HEXB: variants seen among roughly 807,000 people sequenced by gnomAD.
HEXB encodes hexosaminidase subunit beta.
A neutral mutation model predicts 71.2 loss-of-function variants in HEXB; 51 were observed. The observed-to-expected ratio is 0.72, with a 90% CI of 0.57 to 0.90. The LOEUF is 0.90. HEXB is among the 40% of genes least tolerant of loss of function. The pLI is 0.00. For synonymous variants in HEXB, 266 were observed against 249.3 expected, an observed-to-expected ratio of 1.07 and a Z score of -0.63; for missense variants, 617 against 677.0, an observed-to-expected ratio of 0.91 and a Z score of 0.98.
At chr5:74,674,592 A>G (rs1302932788) in intron 1 of HEXB, among the ~76,000 whole-genome samples, 1 of 143,110 alleles carries the variant, frequency 7.0e-6, no homozygotes, top group African/African-American at 2.7e-5. Context: ...AGACAGAGCA[A>G]GACTCTGTCT....
At chr5:74,661,513 CTGTGTGTG>C (rs1179218651) in intron 1 of HEXB, among the ~76,000 whole-genome samples, 893 of 84,868 alleles carry the variant, frequency 0.011, 8 homozygotes, top group Non-Finnish European at 0.016. Flanking sequence ...TTCTCTCTCT[CTGTGTGTG>C]TGTGTGTGTG....
chr5:74,700,751 A>G (rs1451395724), intron 5 of HEXB, among the ~76,000 whole-genome samples: 1 of 152,086 alleles, frequency 6.6e-6, no homozygotes, highest in East Asian at 1.9e-4. Flanking sequence ...CTTGTTGCAC[A>G]GGTTGGAGTG....
chr5:74,674,473 A>G (rs540082075), intron 1 of HEXB, among the ~76,000 whole-genome samples: 92 of 152,156 alleles, frequency 6.0e-4, no homozygotes, highest in Middle Eastern at 6.8e-3. Context: ...GTATGGTGGC[A>G]GGCGCCTGTC....
At chr5:74,713,794 G>T (rs2112172411) in intron 7 of HEXB, among the ~76,000 whole-genome samples, 159 bp downstream of exon 7, 1 of 152,266 alleles carries the variant, frequency 6.6e-6, no homozygotes, top group East Asian at 1.9e-4. Flanking sequence ...TTCCTGAGTA[G>T]CTGAGACTAC....
At chr5:74,677,255 A>G (rs1748648320) in intron 1 of HEXB, among the ~76,000 whole-genome samples, 1 of 152,166 alleles carries the variant, frequency 6.6e-6, no homozygotes, top group African/African-American at 2.4e-5. Flanking sequence ...AACAAAATAA[A>G]CAATTGCCCC....
At chr5:74,688,651 G>A (rs1748927176) in intron 1 of HEXB, among the ~76,000 whole-genome samples, 1 of 152,196 alleles carries the variant, frequency 6.6e-6, no homozygotes, top group African/African-American at 2.4e-5. Context: ...CCAACAAAAA[G>A]TAAATTTTAA....
intron 9 of HEXB, among the ~76,000 whole-genome samples, chr5:74,717,034 G>A (rs1374581849): frequency 2.0e-5 from 3 of 151,978 alleles, no homozygotes; most frequent in African/African-American, 7.2e-5. Context: ...TACTAAAAAT[G>A]AAAAAATTAG....
At chr5:74,658,373 GC>G (rs1306612157) in intron 1 of HEXB, among the ~76,000 whole-genome samples, 28 of 152,268 alleles carry the variant, frequency 1.8e-4, no homozygotes, top group Non-Finnish European at 2.2e-4. Flanking sequence ...ATTTCGCCTT[GC>G]CCAAAGACAG....
chr5:74,717,255 AC>A (rs1413756616), intron 9 of HEXB, among the ~76,000 whole-genome samples: 1 of 152,136 alleles, frequency 6.6e-6, no homozygotes, highest in Non-Finnish European at 1.5e-5. Flanking sequence ...AGTCTTCACT[AC>A]CATCCAGCCC....
chr5:74,690,759 GT>G (rs1192244620), intron 2 of HEXB, among the ~76,000 whole-genome samples: 1 of 149,450 alleles, frequency 6.7e-6, no homozygotes, highest in Non-Finnish European at 1.5e-5. Flanking sequence ...CTGCCTCACA[GT>G]TAAGTACATG....
At chr5:74,660,941 GA>G (rs547120537) in intron 1 of HEXB, among the ~76,000 whole-genome samples, 37 of 152,078 alleles carry the variant, frequency 2.4e-4, no homozygotes, top group Non-Finnish European at 4.1e-4. Flanking sequence ...AAAAATATAG[GA>G]AAAAGACACC....
intron 1 of HEXB, among the ~76,000 whole-genome samples, chr5:74,687,220 T>C (rs914198809): frequency 6.6e-6 from 1 of 152,164 alleles, no homozygotes; most frequent in African/African-American, 2.4e-5. Context: ...TTCTAGGAAC[T>C]CAGAAGGAGC....
chr5:74,676,697 C>T (rs937159038), intron 1 of HEXB, among the ~76,000 whole-genome samples: 5 of 151,864 alleles, frequency 3.3e-5, no homozygotes, highest in Admixed American at 6.6e-5. Flanking sequence ...ACCTGGGAGG[C>T]GGAGGTTGCA....
At chr5:74,665,691 A>G (rs1163916322) in intron 1 of HEXB, among the ~76,000 whole-genome samples, 2 of 152,218 alleles carry the variant, frequency 1.3e-5, no homozygotes, top group Non-Finnish European at 2.9e-5. Context: ...AAGAACATAA[A>G]CAACTGCAAG....
chr5:74,709,136 A>T (rs886781204), intron 6 of HEXB, among the ~76,000 whole-genome samples: 2 of 152,192 alleles, frequency 1.3e-5, no homozygotes, highest in African/African-American at 4.8e-5. Flanking sequence ...GGATTAAGGA[A>T]CTCACTCAAA....
In HEXB at chr5:74,716,044, G is replaced by T. The variant is rs1482099328; in HGVS notation, c.1082+354G>T. On this transcript the variant is annotated intron_variant, in intron 8 of 13. Coordinates refer to ENST00000261416, the MANE Select transcript of HEXB (RefSeq NM_000521.4). The stretch of plus-strand genomic sequence containing the variant: ...AAAAAAAAAAAAAAAAAAAAAAATG[G>T]AATAAAAAACCTGTTGCATTGAAGT... 3.2e-3 allele frequency among the ~76,000 whole-genome samples: 452 copies of T among 140,406 alleles called. 4 individuals are homozygous for T. Among genetic ancestry groups the T allele is most frequent in the African/African-American group, 0.012 (429 of 37,196 alleles). 92.1% of individuals were successfully genotyped at this position (140,406 alleles called of 152,430 possible).
intron 1 of HEXB, among the ~76,000 whole-genome samples, chr5:74,676,864 A>G (rs1161553030): frequency 6.6e-6 from 1 of 152,004 alleles, no homozygotes; most frequent in African/African-American, 2.4e-5. Context: ...TTGGCTATAC[A>G]TTGTTCTCTG....
Position 74,720,493 on chromosome 5 carries a change from G to A in HEXB, c.1483G>A (p.Ala495Thr). The part of the protein sequence containing the change: ...EACLWGEYVD[A>T]TNLTPRLWPR... ...TTGTCTATGGGGAGAATATGTGGAT[G>A]CAACTAACCTCACTCCAAGATTATG... Residue 495 changes from alanine to threonine, a missense_variant, in exon 12 of 14, where the codon GCA (alanine) becomes ACA (threonine). Physicochemically the swap from Ala to Thr is moderately conservative, Grantham distance 58 (BLOSUM62 0). Coordinates refer to ENST00000261416, the MANE Select transcript of HEXB (RefSeq NM_000521.4). The A allele has an allele frequency of 1.2e-6, 2 of 1,613,380 alleles. No individual in the cohort carries two copies. The highest frequency in any genetic ancestry group is 1.1e-5 in the South Asian group (1 of 91,060).
chr5:74,645,548 G>A (rs1747987845), intron 1 of HEXB, among the ~76,000 whole-genome samples: 1 of 152,148 alleles, frequency 6.6e-6, no homozygotes, highest in Non-Finnish European at 1.5e-5. Flanking sequence ...TTATAGATGG[G>A]AAATTCATTC....
Sources: gnomAD v4.1 joint callset for allele counts (sites outside exome capture counted in the v4.1 genomes callset) on GRCh38, gnomAD v4.1.1 for gene constraint, MANE v1.5 for transcripts, NCBI Gene and HGNC (gene_info 2026-07-23, HGNC 2026-07-21) for gene names.